Variants in IL4I1 observed in about 807,000 individuals in gnomAD.
IL4I1 encodes the protein L-amino-acid oxidase.
Under a neutral mutation model 29.7 loss-of-function variants are expected in IL4I1, and 24 were observed. That is an observed-to-expected ratio of 0.81 (90% confidence interval 0.59 to 1.14). The LOEUF is 1.14. Ranked by LOEUF, IL4I1 falls within the 50% of genes most tolerant of loss-of-function variation. The pLI, the probability that IL4I1 is intolerant of heterozygous loss-of-function variation, is 0.00. For missense variants in IL4I1, 686 were observed against 785.6 expected, an observed-to-expected ratio of 0.87 and a Z score of 1.52; for synonymous variants, 371 against 352.5, an observed-to-expected ratio of 1.05 and a Z score of -0.59.
upstream of IL4I1, among the ~76,000 whole-genome samples, chr19:49,901,219 T>C (rs1342829317): frequency 2.4e-4 from 37 of 151,914 alleles, no homozygotes; most frequent in Admixed American, 2.2e-3. Context: ...CTGTCTCTAC[T>C]AAAAATACAA....
chr19:49,901,828 A>C (rs2075274612), upstream of IL4I1: 1 of 647,666 alleles, frequency 1.5e-6, no homozygotes, highest in Non-Finnish European at 2.5e-6. Flanking sequence ...GAGGCTGTGA[A>C]AGGCAGGTCC....
At chr19:49,927,974 G>C (rs1346909379) in intron 1 of IL4I1, 2 of 152,214 alleles carry the variant, frequency 1.3e-5, no homozygotes, top group East Asian at 3.9e-4. Context: ...GCTGAAGGAC[G>C]GTTTGAAAGG....
chr19:49,926,524 T>C (rs1306253423), intron 2 of IL4I1, among the ~76,000 whole-genome samples: 2 of 145,064 alleles, frequency 1.4e-5, no homozygotes, highest in Non-Finnish European at 1.5e-5. Flanking sequence ...AGCAAGACTC[T>C]GTCTCAAAAA....
chr19:49,923,835 T>C (rs1195770074), intron 2 of IL4I1, among the ~76,000 whole-genome samples: 16 of 152,224 alleles, frequency 1.1e-4, no homozygotes, highest in African/African-American at 3.9e-4. Flanking sequence ...AGGCTGGCTC[T>C]AGGGCCCATG....
intron 2 of IL4I1, among the ~76,000 whole-genome samples, chr19:49,914,642 C>A (rs2075571387): frequency 6.6e-6 from 1 of 150,544 alleles, no homozygotes; most frequent in Non-Finnish European, 1.5e-5. Flanking sequence ...CTGTGAGAAC[C>A]AGGGTTCTTT....
At chr19:49,922,050 GACA>G (rs1411914837) in intron 2 of IL4I1, among the ~76,000 whole-genome samples, 2 of 152,164 alleles carry the variant, frequency 1.3e-5, no homozygotes, top group African/African-American at 2.4e-5. Flanking sequence ...CCTCAACACA[GACA>G]ACATGATGTC....
chr19:49,923,195 C>A (rs79313658), intron 2 of IL4I1, among the ~76,000 whole-genome samples: 1 of 152,164 alleles, frequency 6.6e-6, no homozygotes, highest in Non-Finnish European at 1.5e-5. Context: ...TCCCAGCCCC[C>A]GCGTCATCCT....
intron 5 of IL4I1, 24 bp downstream of exon 5, chr19:49,894,244 G>C: frequency 2.5e-6 from 4 of 1,605,352 alleles, no homozygotes; most frequent in Non-Finnish European, 3.4e-6. Context: ...GTCAGGGCGG[G>C]AGGAGGGTGC....
intron 2 of IL4I1, chr19:49,908,865 C>T (rs2075383856): frequency 1.2e-6 from 2 of 1,611,462 alleles, no homozygotes; most frequent in Admixed American, 1.7e-5. Flanking sequence ...GCGCCAGGGC[C>T]AGGTGGAGCG....
At chr19:49,915,917 G>A (rs1471351445) in intron 2 of IL4I1, among the ~76,000 whole-genome samples, 1 of 152,258 alleles carries the variant, frequency 6.6e-6, no homozygotes, top group African/African-American at 2.4e-5. Context: ...GAAGGCTAAC[G>A]GTGGGGATGG....
chr19:49,909,269 G>C, intron 2 of IL4I1: 1 of 1,614,172 alleles, frequency 6.2e-7, no homozygotes, highest in Non-Finnish European at 8.5e-7. Context: ...CGTGGGCTGG[G>C]CTGAATTCCC....
chr19:49,914,726 G>GTTTTGT (rs2075575701), intron 2 of IL4I1, among the ~76,000 whole-genome samples: 5 of 56,404 alleles, frequency 8.9e-5, no homozygotes, highest in Non-Finnish European at 6.4e-5. Flanking sequence ...CCAAGTCCCA[G>GTTTTGT]TTTTTTTTTT....
intron 5 of IL4I1, among the ~76,000 whole-genome samples, chr19:49,893,599 A>T (rs1413131075): frequency 6.6e-6 from 1 of 151,832 alleles, no homozygotes; most frequent in African/African-American, 2.4e-5. Flanking sequence ...AGAGGTGGAG[A>T]CTGGGGAGGT....
chr19:49,897,817 G>A (rs2075231035), upstream of IL4I1, among the ~76,000 whole-genome samples: 1 of 152,054 alleles, frequency 6.6e-6, no homozygotes, highest in Non-Finnish European at 1.5e-5. Context: ...CAGATTCTCT[G>A]CAGCAAGGGT....
At chr19:49,924,421 A>C (rs2075835982) in intron 2 of IL4I1, among the ~76,000 whole-genome samples, 1 of 152,106 alleles carries the variant, frequency 6.6e-6, no homozygotes, top group Admixed American at 6.5e-5. Context: ...AGCGGTTGCC[A>C]GGTGTGCTGG....
In IL4I1 at chr19:49,894,285, G is replaced by A. The variant is rs2075176135; in HGVS notation, c.550C>T (p.Gln184Ter). Residue 184 changes from glutamine to a stop codon, truncating the protein, a stop_gained, in exon 5 of 8, where the codon CAG becomes TAG. Transcript: ENST00000391826. LOFTEE classifies it high-confidence loss of function. ...GTACCCACCTGGTTGAGAGCCATCT[G>A]GTAGATGTCTTCGGGCGAGTGGCCC... is the stretch of plus-strand genomic sequence containing the variant. ...EKGHSPEDIY[Q>*]MALNQALKDL... The A allele has an allele frequency of 6.2e-7, 1 of 1,613,762 alleles. No homozygotes were observed. Among genetic ancestry groups the A allele is most frequent in the South Asian group, 1.1e-5 (1 of 91,004 alleles).
intron 2 of IL4I1, among the ~76,000 whole-genome samples, chr19:49,919,959 ACT>A (rs2075724966): frequency 1.3e-5 from 2 of 151,748 alleles, no homozygotes; most frequent in African/African-American, 2.4e-5. Context: ...ACAAGGTCTC[ACT>A]CTGTCTCCCA....
upstream of IL4I1, among the ~76,000 whole-genome samples, chr19:49,897,830 G>A (rs571028709): frequency 1.3e-4 from 20 of 152,274 alleles, no homozygotes; most frequent in Admixed American, 5.2e-4. Context: ...GCAAGGGTTG[G>A]GTGGGGGTTG....
chr19:49,915,819 A>G (rs1035337811), intron 2 of IL4I1, among the ~76,000 whole-genome samples: 2 of 152,204 alleles, frequency 1.3e-5, no homozygotes, highest in African/African-American at 4.8e-5. Flanking sequence ...AGGACTGTGG[A>G]TGTGTGTGGG....
Sources: gnomAD v4.1 joint callset for allele counts (sites outside exome capture counted in the v4.1 genomes callset) on GRCh38, gnomAD v4.1.1 for gene constraint, MANE v1.5 for transcripts, NCBI Gene and HGNC (gene_info 2026-07-23, HGNC 2026-07-21) for gene names.